Variants in SHISA9 observed in about 807,000 individuals in gnomAD.
SHISA9 encodes the protein protein shisa-9.
SHISA9 carries 13 observed loss-of-function variants against 38.0 expected under a neutral mutation model. That is an observed-to-expected ratio of 0.34 (90% CI 0.22 to 0.54). The LOEUF (loss-of-function observed/expected upper bound fraction) is 0.54, where lower values mean the gene tolerates loss of function less well. Ranked by LOEUF, SHISA9 falls within the 20% of genes least tolerant of loss-of-function variation. The pLI is 0.91. For synonymous variants in SHISA9, 275 were observed against 242.0 expected (o/e 1.14, Z -1.27); for missense variants, 538 against 575.8 (o/e 0.93, Z 0.67).
chr16:13,343,237 A>G, the SHISA9 span, among the ~76,000 whole-genome samples: 1 of 152,220 alleles, frequency 6.6e-6, no homozygotes, highest in Non-Finnish European at 1.5e-5. Context: ...CCAAATCTGC[A>G]GATCTCTCAA....
chr16:13,013,815 C>T (rs1294985611), intron 2 of SHISA9, among the ~76,000 whole-genome samples: 1 of 152,112 alleles, frequency 6.6e-6, no homozygotes, highest in African/African-American at 2.4e-5. Context: ...GCAAGCTCCG[C>T]GTCCCGGGTT....
At chr16:13,243,218 G>C (rs1450250011), downstream of SHISA9, among the ~76,000 whole-genome samples, 1 of 151,430 alleles carries the variant, frequency 6.6e-6, no homozygotes, top group Admixed American at 6.6e-5. Context: ...CCAACCCTGG[G>C]TGACAGTGCG....
chr16:13,372,684 T>A, the SHISA9 span, among the ~76,000 whole-genome samples: 1 of 152,212 alleles, frequency 6.6e-6, no homozygotes, highest in Non-Finnish European at 1.5e-5. Context: ...CCATGACTAA[T>A]ATTTAAGAAG....
chr16:12,959,735 A>G lies in SHISA9; in HGVS notation c.691+42920A>G, dbSNP rs577861057. On this transcript the variant is annotated intron_variant, in intron 2 of 4. Transcript: ENST00000558583. Reference sequence around the variant, plus strand: ...TGAACTGCCATGCTCGAGATGACCCAGCAAATGAGTGGCAGAGCCAAGTAG... The same window carrying G: ...TGAACTGCCATGCTCGAGATGACCCGGCAAATGAGTGGCAGAGCCAAGTAG... 2.6e-5 allele frequency among the ~76,000 whole-genome samples: 4 copies of G among 152,216 alleles called. 1 individual carries two copies. Among genetic ancestry groups the G allele is most frequent in the Admixed American group, 6.5e-5 (1 of 15,284 alleles).
the SHISA9 span, among the ~76,000 whole-genome samples, chr16:13,313,678 G>A: frequency 6.6e-6 from 1 of 152,184 alleles, no homozygotes; most frequent in Non-Finnish European, 1.5e-5. Context: ...ATTTCTAATT[G>A]AAGTGGAAAG....
At chr16:13,185,938 G>C (rs67027573) in intron 2 of SHISA9, among the ~76,000 whole-genome samples, 1 of 152,052 alleles carries the variant, frequency 6.6e-6, no homozygotes, top group Non-Finnish European at 1.5e-5. Context: ...AACGAGATAG[G>C]ATCTAACATT....
intron 2 of SHISA9, among the ~76,000 whole-genome samples, chr16:13,032,733 C>T (rs2073006892): frequency 6.6e-6 from 1 of 152,094 alleles, no homozygotes; most frequent in African/African-American, 2.4e-5. Context: ...GCAGAAAGGT[C>T]CTGAATTATG....
intron 2 of SHISA9, among the ~76,000 whole-genome samples, chr16:13,157,634 G>C (rs1349011723): frequency 1.3e-5 from 2 of 152,198 alleles, no homozygotes; most frequent in Non-Finnish European, 1.5e-5. Context: ...TTCTCAGGCA[G>C]ACCTGGGCAG....
intron 3 of SHISA9, among the ~76,000 whole-genome samples, chr16:13,208,707 G>A (rs2051091058): frequency 6.6e-6 from 1 of 152,152 alleles, no homozygotes; most frequent in South Asian, 2.1e-4. Flanking sequence ...CTTTGTACCA[G>A]AAGGGATGAT....
intron 4 of SHISA9, 128 bp from the exon 5 acceptor site, chr16:13,234,902 G>T (rs1191156551): frequency 1.8e-6 from 2 of 1,116,946 alleles, no homozygotes; most frequent in East Asian, 2.6e-5. Context: ...AGTGTGTCTT[G>T]TTTGGACTGT....
the SHISA9 span, among the ~76,000 whole-genome samples, chr16:13,290,614 G>A: frequency 6.6e-6 from 1 of 152,156 alleles, no homozygotes; most frequent in Non-Finnish European, 1.5e-5. Context: ...TAAGCTGGGA[G>A]TGACAATGTT....
chr16:13,447,321 T>A, the SHISA9 span, among the ~76,000 whole-genome samples: 4 of 152,178 alleles, frequency 2.6e-5, no homozygotes, highest in African/African-American at 7.2e-5. Context: ...AGTGGTGGTT[T>A]GGGGTTCCCT....
At chr16:13,408,583 ATTG>A in the SHISA9 span, among the ~76,000 whole-genome samples, 6 of 152,164 alleles carry the variant, frequency 3.9e-5, no homozygotes, top group Non-Finnish European at 5.9e-5. Context: ...TTCACAATTC[ATTG>A]TTGTTAATGC....
chr16:13,494,945 A>C, the SHISA9 span, among the ~76,000 whole-genome samples: 41 of 152,340 alleles, frequency 2.7e-4, no homozygotes, highest in African/African-American at 9.9e-4. Context: ...AATGTCCAGG[A>C]CGTTGCGCCT....
chr16:12,957,905 A>C (rs1363767765), intron 2 of SHISA9, among the ~76,000 whole-genome samples: 7 of 152,200 alleles, frequency 4.6e-5, no homozygotes, highest in African/African-American at 9.7e-5. Context: ...ATTCTTGTAA[A>C]GACACTGATA....
chr16:13,541,777 A>T, the SHISA9 span, among the ~76,000 whole-genome samples: 1 of 152,196 alleles, frequency 6.6e-6, no homozygotes. Flanking sequence ...AGTATGATTC[A>T]TGGGAACTCA....
the SHISA9 span, among the ~76,000 whole-genome samples, chr16:13,448,153 G>GA: frequency 6.6e-6 from 1 of 152,190 alleles, no homozygotes; most frequent in African/African-American, 2.4e-5. Flanking sequence ...AAGTCTGCCA[G>GA]AGGTGAGTTT....
At chr16:13,292,750 A>G in the SHISA9 span, among the ~76,000 whole-genome samples, 1 of 152,166 alleles carries the variant, frequency 6.6e-6, no homozygotes, top group Non-Finnish European at 1.5e-5. Flanking sequence ...GCTGTCTTGT[A>G]TATTGTACCC....
the SHISA9 span, among the ~76,000 whole-genome samples, chr16:13,289,736 T>A: frequency 2.6e-5 from 4 of 152,120 alleles, no homozygotes; most frequent in Non-Finnish European, 5.9e-5. Context: ...GATTAATTTC[T>A]GGGAGCATTG....
Sources: allele counts gnomAD v4.1 joint callset (sites outside exome capture counted in the v4.1 genomes callset), GRCh38; gene constraint gnomAD v4.1.1; transcripts MANE v1.5; gene names NCBI Gene and HGNC (gene_info 2026-07-23, HGNC 2026-07-21).